Variants in CYB5R4 observed in about 807,000 individuals in gnomAD.
CYB5R4 encodes cytochrome b5 reductase 4.
CYB5R4 carries 55 observed loss-of-function variants against 70.2 expected under a neutral mutation model. The ratio of observed to expected loss-of-function variants is 0.78; its 90% CI spans 0.63 to 0.98. The LOEUF is 0.98. Ranked by LOEUF, CYB5R4 falls within the 50% of genes least tolerant of loss-of-function variation. The pLI is 0.00. For missense variants in CYB5R4, 562 were observed against 612.6 expected, an observed-to-expected ratio of 0.92 and a Z score of 0.87; for synonymous variants, 197 against 199.5, an observed-to-expected ratio of 0.99 and a Z score of 0.11.
chr6:83,910,876 T>C (rs560334287), intron 4 of CYB5R4, among the ~76,000 whole-genome samples: 2 of 152,210 alleles, frequency 1.3e-5, no homozygotes, highest in African/African-American at 2.4e-5. Context: ...AATACTCTGG[T>C]ATTTTTAAAG....
intron 3 of CYB5R4, among the ~76,000 whole-genome samples, chr6:83,906,315 G>C (rs1331982603): frequency 6.6e-6 from 1 of 152,192 alleles, no homozygotes. Context: ...TTGCACTTCA[G>C]TCTGGGTTCT....
At chr6:83,867,381 T>C (rs907519136) in intron 2 of CYB5R4, among the ~76,000 whole-genome samples, 3 of 152,190 alleles carry the variant, frequency 2.0e-5, no homozygotes, top group Non-Finnish European at 4.4e-5. Flanking sequence ...TTAGGTCAGA[T>C]TGTGGACAAC....
chr6:83,959,791 C>T (rs1000174311), intron 15 of CYB5R4, 33 bp from the exon 16 acceptor site: 4 of 1,570,444 alleles, frequency 2.5e-6, no homozygotes, highest in Admixed American at 3.6e-5. Flanking sequence ...AGCATTTTCC[C>T]TAAGAAACAT....
At position 83,922,470 on chromosome 6, in the gene CYB5R4, G is replaced by C; in HGVS notation, c.691G>C (p.Val231Leu). 1 of 1,612,880 alleles carries C rather than the reference G, an allele frequency of 6.2e-7. No homozygotes were observed. Among genetic ancestry groups the C allele is most frequent in the Non-Finnish European group, 8.5e-7 (1 of 1,179,298 alleles). The change falls in exon 9 of 16, where the codon GTG (valine) becomes CTG (leucine). Residue 231 changes from valine to leucine, a missense_variant and splice_region_variant. Coordinates refer to ENST00000369681, the MANE Select transcript of CYB5R4 (RefSeq NM_016230.4). ...LSHEVQEDFS[V>L]RVVESVGKIE... Reference sequence around the variant, plus strand: ...CCATGAGGTTCAGGAAGATTTTTCTGGTAAGCTACCAAAAACCAAAAATTA... The same window carrying C: ...CCATGAGGTTCAGGAAGATTTTTCTCGTAAGCTACCAAAAACCAAAAATTA...
chr6:83,901,312 A>C (rs1025636845), intron 3 of CYB5R4, among the ~76,000 whole-genome samples: 2 of 152,198 alleles, frequency 1.3e-5, no homozygotes, highest in Non-Finnish European at 2.9e-5. Flanking sequence ...TCTGGCTTGT[A>C]GAGTTTCTGC....
chr6:83,859,908 G>T (rs773551069), intron 1 of CYB5R4, 51 bp downstream of exon 1: 44 of 1,532,014 alleles, frequency 2.9e-5, no homozygotes, highest in Non-Finnish European at 3.4e-5. Flanking sequence ...TCGAGCTCTG[G>T]CAGTGTGTTC....
At chr6:83,903,243 T>C (rs1223973887) in intron 3 of CYB5R4, among the ~76,000 whole-genome samples, 1 of 152,126 alleles carries the variant, frequency 6.6e-6, no homozygotes, top group Non-Finnish European at 1.5e-5. Context: ...ATGTTGAACT[T>C]TATGAAATAC....
chr6:83,877,562 G>C (rs544061281), intron 2 of CYB5R4, among the ~76,000 whole-genome samples: 150 of 152,116 alleles, frequency 9.9e-4, no homozygotes, highest in African/African-American at 3.3e-3. Context: ...GTGGGTGGGT[G>C]GGGGAGGATG....
chr6:83,902,129 C>A (rs141112290), intron 3 of CYB5R4, among the ~76,000 whole-genome samples: 17 of 152,166 alleles, frequency 1.1e-4, no homozygotes, highest in Admixed American at 1.0e-3. Context: ...CCAGTGTTTT[C>A]TTCTAGTGAT....
At chr6:83,937,182 G>A (rs984992377) in intron 12 of CYB5R4, among the ~76,000 whole-genome samples, 7 of 152,132 alleles carry the variant, frequency 4.6e-5, no homozygotes, top group Non-Finnish European at 1.0e-4. Context: ...GGCTGAGGCA[G>A]GAGAATCGCT....
At chr6:83,915,853 G>C (rs895099246) in intron 5 of CYB5R4, among the ~76,000 whole-genome samples, 2 of 152,068 alleles carry the variant, frequency 1.3e-5, no homozygotes, top group African/African-American at 2.4e-5. Context: ...TACTGAATGG[G>C]TTGGACTACT....
At position 83,962,017 on chromosome 6, in the gene CYB5R4, C is replaced by T. The variant is rs2099473425; in HGVS notation, c.*2139C>T. On this transcript the variant is annotated 3_prime_UTR_variant, in exon 16 of 16. Transcript: ENST00000369681. ...CCACTGACATGATTTTATCAACTTACATGTTAATTCCCAAATGGGAGTGAC... is the reference window on the plus strand; with the variant it reads ...CCACTGACATGATTTTATCAACTTATATGTTAATTCCCAAATGGGAGTGAC... 1 of 152,036 alleles carries T rather than the reference C, an allele frequency of 6.6e-6. No individual in the cohort carries two copies. Among genetic ancestry groups the T allele is most frequent in the South Asian group, 2.1e-4 (1 of 4,830 alleles). 9.4% of individuals were successfully genotyped at this position (152,036 alleles called of 1,614,324 possible). A position where few individuals can be genotyped will look rare whatever the true frequency, so the allele number is the denominator to read the frequency against.
rs148889982 is a variant in CYB5R4, at chr6:83,949,043, T to A, written c.1347-6255T>A. Among the ~76,000 whole-genome samples the A allele has an allele frequency of 2.6e-4, 39 of 152,176 alleles. No individual in the cohort carries two copies. In the East Asian group the frequency reaches 7.0e-3, roughly 27 times the overall value. On this transcript the variant is annotated intron_variant, in intron 14 of 15. Coordinates refer to ENST00000369681, the MANE Select transcript of CYB5R4 (RefSeq NM_016230.4). ...CCTAACCTCTTTCTGGAGACTTTGT[T>A]GTCCTTGCTTGAGGCACTGACTCCT...
intron 4 of CYB5R4, among the ~76,000 whole-genome samples, chr6:83,911,082 A>G (rs944669911): frequency 2.0e-5 from 3 of 152,158 alleles, no homozygotes; most frequent in Non-Finnish European, 2.9e-5. Flanking sequence ...AAGATTTGAG[A>G]AATAAGTATG....
At chr6:83,905,635 C>T (rs544074562) in intron 3 of CYB5R4, among the ~76,000 whole-genome samples, 1 of 152,064 alleles carries the variant, frequency 6.6e-6, no homozygotes, top group East Asian at 1.9e-4. Flanking sequence ...GTGTGTCTGT[C>T]CTTGGGCCCC....
intron 14 of CYB5R4, among the ~76,000 whole-genome samples, chr6:83,948,925 A>G (rs914937582): frequency 2.0e-5 from 3 of 151,368 alleles, no homozygotes; most frequent in Admixed American, 6.6e-5. Flanking sequence ...TAGTGTTCCA[A>G]CCTCTGGCCT....
intron 3 of CYB5R4, among the ~76,000 whole-genome samples, chr6:83,903,524 CAG>C (rs2099463323): frequency 6.6e-6 from 1 of 151,978 alleles, no homozygotes; most frequent in African/African-American, 2.4e-5. Flanking sequence ...GTTTTGGTAT[CAG>C]GGTAATGCTG....
intron 10 of CYB5R4, among the ~76,000 whole-genome samples, chr6:83,927,719 C>A (rs1184658011): frequency 6.6e-6 from 1 of 152,134 alleles, no homozygotes; most frequent in African/African-American, 2.4e-5. Context: ...GCTCTTCAAA[C>A]CATGTCGTTT....
chr6:83,949,012 C>T (rs1009155753), intron 14 of CYB5R4, among the ~76,000 whole-genome samples: 3 of 151,920 alleles, frequency 2.0e-5, no homozygotes, highest in African/African-American at 4.8e-5. Context: ...CTCTTTCTCT[C>T]TCCTCCCTAA....
Sources: allele counts gnomAD v4.1 joint callset (sites outside exome capture counted in the v4.1 genomes callset), GRCh38; gene constraint gnomAD v4.1.1; transcripts MANE v1.5; gene names NCBI Gene and HGNC (gene_info 2026-07-23, HGNC 2026-07-21).